Variants in NEDD4L observed in about 807,000 individuals in gnomAD.
NEDD4L encodes NEDD4 like E3 ubiquitin protein ligase.
Under a neutral mutation model 148.9 loss-of-function variants are expected in NEDD4L, and 54 were observed. The observed-to-expected ratio is 0.36, with a 90% CI of 0.29 to 0.45. The LOEUF is 0.45. Among genes scored for constraint, NEDD4L ranks in the 20% least tolerant of loss-of-function variants. The pLI, the probability that NEDD4L is intolerant of heterozygous loss-of-function variation, is 1.00. For missense variants in NEDD4L, 856 were observed against 1,233.8 expected (o/e 0.69, Z 4.59); for synonymous variants, 433 against 440.7 (o/e 0.98, Z 0.22).
intron 5 of NEDD4L, among the ~76,000 whole-genome samples, chr18:58,315,757 T>A (rs2058186661): frequency 6.6e-6 from 1 of 152,220 alleles, no homozygotes; most frequent in Non-Finnish European, 1.5e-5. Context: ...CATAGCATTG[T>A]GCTTGGTAGC....
chr18:58,048,687 C>T (rs1468288208), intron 1 of NEDD4L, among the ~76,000 whole-genome samples: 1 of 152,132 alleles, frequency 6.6e-6, no homozygotes, highest in Non-Finnish European at 1.5e-5. Flanking sequence ...TGACCAGGAA[C>T]CCTGCTTAAT....
intron 1 of NEDD4L, among the ~76,000 whole-genome samples, chr18:58,059,001 G>A (rs1388311314): frequency 6.6e-6 from 1 of 152,116 alleles, no homozygotes; most frequent in African/African-American, 2.4e-5. Flanking sequence ...ATAATCATGA[G>A]GTCAGTTGGT....
intron 1 of NEDD4L, among the ~76,000 whole-genome samples, chr18:58,143,891 A>G (rs887732457): frequency 2.0e-5 from 3 of 152,162 alleles, no homozygotes; most frequent in African/African-American, 7.2e-5. Context: ...TTATATAGAA[A>G]TGGGCATTTT....
chr18:58,108,048 G>A (rs1375962167), intron 1 of NEDD4L, among the ~76,000 whole-genome samples: 3 of 152,174 alleles, frequency 2.0e-5, no homozygotes, highest in Non-Finnish European at 2.9e-5. Flanking sequence ...GGTGAGAGGA[G>A]GATCCTCAGA....
intron 2 of NEDD4L, among the ~76,000 whole-genome samples, chr18:58,204,425 C>T (rs996916693): frequency 3.9e-5 from 6 of 152,256 alleles, no homozygotes; most frequent in East Asian, 3.9e-4. Context: ...TACTTATTCA[C>T]AATAAGCAGT....
intron 24 of NEDD4L, among the ~76,000 whole-genome samples, chr18:58,380,242 G>T (rs2048151901): frequency 6.7e-6 from 1 of 149,724 alleles, no homozygotes; most frequent in Non-Finnish European, 1.5e-5. Context: ...GCACAAAACA[G>T]ATTTTTTTTT....
At chr18:58,084,850 A>G (rs902767712) in intron 1 of NEDD4L, among the ~76,000 whole-genome samples, 2 of 151,908 alleles carry the variant, frequency 1.3e-5, no homozygotes, top group East Asian at 3.9e-4. Context: ...GTGTGCCGCA[A>G]TGCCCAGCTA....
chr18:58,058,045 C>T lies in NEDD4L; in HGVS notation c.48+13337C>T, dbSNP rs191348368. Among the ~76,000 whole-genome samples the T allele has an allele frequency of 5.4e-4, 83 of 152,318 alleles. 1 individual carries two copies. In the East Asian group the frequency reaches 0.015, roughly 28 times the overall value. On this transcript the variant is annotated intron_variant, in intron 1 of 30. Coordinates refer to ENST00000400345, the MANE Select transcript of NEDD4L (RefSeq NM_001144967.3). ...TGGTAAGGCCGGCCGCGGTGGCTCA[C>T]GCCTGTAATCCCAGCACTTTGGGAG...
chr18:58,058,194 C>T (rs6566929), intron 1 of NEDD4L, among the ~76,000 whole-genome samples: 122,492 of 151,682 alleles, frequency 0.81, 50,014 homozygotes, highest in East Asian at 1. Context: ...TAATCCCAGC[C>T]TCTCGGGAGG....
At chr18:58,261,720 G>T (rs908238859) in intron 5 of NEDD4L, among the ~76,000 whole-genome samples, 1 of 152,162 alleles carries the variant, frequency 6.6e-6, no homozygotes, top group Non-Finnish European at 1.5e-5. Context: ...GAATATTTCT[G>T]TATAGTTGAG....
At chr18:58,305,709 C>T (rs996142674) in intron 5 of NEDD4L, among the ~76,000 whole-genome samples, 8 of 152,122 alleles carry the variant, frequency 5.3e-5, no homozygotes, top group African/African-American at 1.9e-4. Flanking sequence ...ATATGGTATA[C>T]GTTCAAAATA....
At chr18:58,114,584 G>C (rs1004684484) in intron 1 of NEDD4L, among the ~76,000 whole-genome samples, 1 of 152,234 alleles carries the variant, frequency 6.6e-6, no homozygotes, top group African/African-American at 2.4e-5. Context: ...ACTTTCTGGA[G>C]CATCCCAGGT....
intron 1 of NEDD4L, among the ~76,000 whole-genome samples, chr18:58,105,462 C>T (rs1405535907): frequency 2.6e-5 from 4 of 152,054 alleles, no homozygotes; most frequent in African/African-American, 4.8e-5. Context: ...TGCCTAGCAA[C>T]GGCTTAATAA....
At chr18:58,085,038 G>T (rs1203167011) in intron 1 of NEDD4L, among the ~76,000 whole-genome samples, 1 of 152,102 alleles carries the variant, frequency 6.6e-6, no homozygotes, top group Non-Finnish European at 1.5e-5. Flanking sequence ...GTCTCATTGC[G>T]TGTCCACATT....
chr18:58,333,971 T>G (rs1443734177), intron 12 of NEDD4L, 79 bp downstream of exon 12: 2 of 888,876 alleles, frequency 2.3e-6, no homozygotes, highest in Non-Finnish European at 3.4e-6. Context: ...GCAAAAAGAG[T>G]TTTTCCTGTG....
At position 58,100,261 on chromosome 18, in the gene NEDD4L, A is replaced by G. The variant is rs139377957; in HGVS notation, c.48+55553A>G. 2.0e-3 allele frequency among the ~76,000 whole-genome samples: 306 copies of G among 152,270 alleles called. 9 individuals are homozygous for G. The East Asian group carries it at 0.053, about 26-fold the overall frequency. ...CTATCAGTCATTAAGGCCCCTTAAC[A>G]TCATGGCCGATTCTGAAATTACCTC... On this transcript the variant is annotated intron_variant, in intron 1 of 30. Coordinates refer to ENST00000400345, the MANE Select transcript of NEDD4L (RefSeq NM_001144967.3).
chr18:58,300,796 CT>C (rs2056358326), intron 5 of NEDD4L, among the ~76,000 whole-genome samples: 1 of 152,302 alleles, frequency 6.6e-6, no homozygotes, highest in Admixed American at 6.5e-5. Context: ...AGGTTTGCCC[CT>C]GTGTGCAGCT....
At chr18:58,331,664 T>C (rs1236484496) in intron 11 of NEDD4L, among the ~76,000 whole-genome samples, 3 of 152,106 alleles carry the variant, frequency 2.0e-5, no homozygotes, top group African/African-American at 7.2e-5. Flanking sequence ...TAAGAGCAAA[T>C]GAAGTCTCAG....
intron 2 of NEDD4L, among the ~76,000 whole-genome samples, chr18:58,178,654 T>C (rs1666271112): frequency 6.6e-6 from 1 of 152,228 alleles, no homozygotes; most frequent in South Asian, 2.1e-4. Context: ...TTGGCATTCC[T>C]ACTGTATAAT....
Sources: allele counts gnomAD v4.1 joint callset (sites outside exome capture counted in the v4.1 genomes callset), GRCh38; gene constraint gnomAD v4.1.1; transcripts MANE v1.5; gene names NCBI Gene and HGNC (gene_info 2026-07-23, HGNC 2026-07-21).